HACD2: variants seen among roughly 807,000 people sequenced by gnomAD.
HACD2 encodes 3-hydroxyacyl-CoA dehydratase 2.
A neutral mutation model predicts 31.0 loss-of-function variants in HACD2; 15 were observed. The observed-to-expected ratio is 0.48, with a 90% CI of 0.32 to 0.75. The LOEUF (loss-of-function observed/expected upper bound fraction) is 0.75. HACD2 is among the 30% of genes least tolerant of loss of function. The pLI, the probability that HACD2 is intolerant of heterozygous loss-of-function variation, is 0.03. For synonymous variants in HACD2, 115 were observed against 122.2 expected (o/e 0.94, Z 0.39); for missense variants, 283 against 313.0 (o/e 0.90, Z 0.72).
At position 123,526,425 on chromosome 3, in the gene HACD2, T is replaced by C. The variant is rs1225509508; in HGVS notation, c.381+1961A>G. Among the ~76,000 whole-genome samples the C allele has an allele frequency of 3.9e-5, 6 of 152,128 alleles. No homozygotes were observed. In the South Asian group the frequency reaches 8.3e-4, roughly 21 times the overall value. On this transcript the variant is annotated intron_variant, in intron 4 of 6. Coordinates refer to ENST00000383657, the MANE Select transcript of HACD2 (RefSeq NM_198402.5). The stretch of plus-strand genomic sequence containing the variant: ...AAAGAGTAAGTCAATTCATCAACAG[T>C]GCATATGTAAAAACAAGAGGATCCA...
chr3:123,556,997 T>A (rs1184156900), intron 3 of HACD2, among the ~76,000 whole-genome samples: 1 of 152,158 alleles, frequency 6.6e-6, no homozygotes, highest in East Asian at 1.9e-4. Flanking sequence ...GTAAAGGGAA[T>A]AAAAAGACAA....
At chr3:123,583,681 T>C (rs1180492284) in intron 1 of HACD2, among the ~76,000 whole-genome samples, 3 of 152,232 alleles carry the variant, frequency 2.0e-5, no homozygotes, top group African/African-American at 7.2e-5. Flanking sequence ...AGCAAGGTGC[T>C]GAACTGTAAA....
At chr3:123,550,751 G>A (rs1013154309) in intron 3 of HACD2, among the ~76,000 whole-genome samples, 1 of 152,192 alleles carries the variant, frequency 6.6e-6, no homozygotes. Context: ...CAGGTGGGCA[G>A]CTGGGACAGA....
rs768517086 is a variant in HACD2 at position 123,584,920 on chromosome 3, G to A, written c.108C>T (p.Pro36=). The A allele has an allele frequency of 1.3e-6, 2 of 1,527,540 alleles. No individual in the cohort carries two copies. Among genetic ancestry groups the A allele is most frequent in the Non-Finnish European group, 8.8e-7 (1 of 1,137,188 alleles). The allele number at this position is 1,527,540 out of a possible 1,614,324, so 94.6% of individuals were successfully genotyped here. A position where few individuals can be genotyped will look rare whatever the true frequency, so the allele number is the denominator to read the frequency against. The change falls in exon 1 of 7, where the codon CCC becomes CCT. Residue 36 remains proline (P), a synonymous_variant. Coordinates refer to ENST00000383657, the MANE Select transcript of HACD2 (RefSeq NM_198402.5). ...AGATGACCAGGTACGCCGTGGCCAG[G>A]GGCCCCGGGCCCTTCTTCTTCCGCG... ...SGTRKKKGPG[P]LATAYLVIYN...
chr3:123,546,000 C>A (rs533324308), intron 3 of HACD2, among the ~76,000 whole-genome samples: 2 of 151,958 alleles, frequency 1.3e-5, no homozygotes, highest in African/African-American at 4.8e-5. Flanking sequence ...AATGAACCAC[C>A]GTGCCTGGCT....
At chr3:123,522,662 C>CTTTTTTT (rs4048459) in intron 4 of HACD2, among the ~76,000 whole-genome samples, 1 of 146,246 alleles carries the variant, frequency 6.8e-6, no homozygotes. Flanking sequence ...AATAAGGAGA[C>CTTTTTTT]TTTTTTTTTT....
intron 6 of HACD2, among the ~76,000 whole-genome samples, chr3:123,495,424 T>G (rs893313841): frequency 6.6e-6 from 1 of 151,966 alleles, no homozygotes; most frequent in African/African-American, 2.4e-5. Context: ...ACAGACAGAG[T>G]TGGGACCAGG....
chr3:123,503,979 A>G (rs2055941157), intron 4 of HACD2, among the ~76,000 whole-genome samples: 1 of 152,230 alleles, frequency 6.6e-6, no homozygotes, highest in Non-Finnish European at 1.5e-5. Context: ...TATTAACTAA[A>G]TTGCTCTGAC....
At position 123,538,747 on chromosome 3, in the gene HACD2, C is replaced by T. The variant is rs562919583; in HGVS notation, c.293-10273G>A. Among the ~76,000 whole-genome samples the T allele has an allele frequency of 5.2e-4, 79 of 152,338 alleles. No homozygotes were observed. The South Asian group carries it at 0.016, about 31-fold the overall frequency. ...CAGCATTTTACGATGTGAGTATGTGCACCAGAATGAATGGTGGTCTTAGGT... is the reference window on the plus strand; with the variant it reads ...CAGCATTTTACGATGTGAGTATGTGTACCAGAATGAATGGTGGTCTTAGGT... On this transcript the variant is annotated intron_variant, in intron 3 of 6. Transcript: ENST00000383657.
chr3:123,544,996 C>T (rs1339829503), intron 3 of HACD2, among the ~76,000 whole-genome samples: 1 of 140,736 alleles, frequency 7.1e-6, no homozygotes, highest in Non-Finnish European at 1.5e-5. Context: ...ATTGCTTGAG[C>T]CCAGGAGGTC....
rs573564068 is a variant in HACD2 at position 123,561,503 on chromosome 3, G to A, written c.292+6259C>T. Reference sequence around the variant, plus strand: ...ATTTTCTATCAAAAGAAAACTTCTAGAGTTGGTAGTACAATTTCTGACATG... The same window carrying A: ...ATTTTCTATCAAAAGAAAACTTCTAAAGTTGGTAGTACAATTTCTGACATG... On this transcript the variant is annotated intron_variant, in intron 3 of 6. Transcript: ENST00000383657. Among the ~76,000 whole-genome samples the A allele has an allele frequency of 9.2e-5, 14 of 152,034 alleles. No individual in the cohort carries two copies. In the East Asian group the frequency reaches 2.3e-3, roughly 25 times the overall value.
chr3:123,512,494 G>A (rs1486236433), intron 4 of HACD2, among the ~76,000 whole-genome samples: 2 of 152,132 alleles, frequency 1.3e-5, no homozygotes, highest in Admixed American at 1.3e-4. Flanking sequence ...GACATGGAAA[G>A]GTGAGGGAAG....
intron 4 of HACD2, among the ~76,000 whole-genome samples, chr3:123,518,448 T>C (rs1240005508): frequency 4.6e-5 from 7 of 152,232 alleles, no homozygotes; most frequent in Admixed American, 4.6e-4. Context: ...GTAGATAGCC[T>C]CTGCTACAGA....
intron 4 of HACD2, among the ~76,000 whole-genome samples, chr3:123,525,279 C>A (rs867258534): frequency 7.2e-5 from 11 of 152,172 alleles, no homozygotes; most frequent in African/African-American, 2.4e-4. Flanking sequence ...AGCATGTGAG[C>A]ATACGGATCA....
chr3:123,531,649 C>T (rs2056363060), intron 3 of HACD2, among the ~76,000 whole-genome samples: 1 of 152,210 alleles, frequency 6.6e-6, no homozygotes, highest in South Asian at 2.1e-4. Flanking sequence ...TATCCACACA[C>T]ACACACAACG....
intron 5 of HACD2, among the ~76,000 whole-genome samples, chr3:123,501,987 A>G (rs996593817): frequency 2.0e-5 from 3 of 152,200 alleles, no homozygotes; most frequent in Non-Finnish European, 4.4e-5. Context: ...AACTGCCTAC[A>G]ACTGTCTCAT....
intron 2 of HACD2, among the ~76,000 whole-genome samples, chr3:123,577,768 C>A (rs896731656): frequency 2.6e-5 from 4 of 152,096 alleles, no homozygotes; most frequent in Non-Finnish European, 5.9e-5. Context: ...CTATACTTGA[C>A]AAATATGCAA....
chr3:123,554,491 A>G (rs1342650929), intron 3 of HACD2, among the ~76,000 whole-genome samples: 5 of 152,112 alleles, frequency 3.3e-5, no homozygotes, highest in Admixed American at 3.3e-4. Context: ...CAGCCTGGGC[A>G]ACACAGTGAG....
intron 3 of HACD2, among the ~76,000 whole-genome samples, chr3:123,546,345 G>T: frequency 6.6e-6 from 1 of 152,082 alleles, no homozygotes; most frequent in East Asian, 1.9e-4. Context: ...AATACCATTT[G>T]CTTACCCACT....
Sources: allele counts gnomAD v4.1 joint callset (sites outside exome capture counted in the v4.1 genomes callset), GRCh38; gene constraint gnomAD v4.1.1; transcripts MANE v1.5; gene names NCBI Gene and HGNC (gene_info 2026-07-23, HGNC 2026-07-21).